The following USP6NL variants were observed in gnomAD, a reference collection of about 807,000 sequenced individuals.
USP6NL encodes USP6 N-terminal-like protein.
A neutral mutation model predicts 61.9 loss-of-function variants in USP6NL; 26 were observed. The observed-to-expected ratio is 0.42, with a 90% CI of 0.31 to 0.58. The LOEUF is 0.58. Ranked by LOEUF, USP6NL falls within the 20% of genes least tolerant of loss-of-function variation. USP6NL has a pLI of 0.16. For missense variants in USP6NL, 1,114 were observed against 1,034.3 expected, an observed-to-expected ratio of 1.08 and a Z score of -1.06; for synonymous variants, 432 against 390.1, an observed-to-expected ratio of 1.11 and a Z score of -1.27.
At chr10:11,576,482 T>C (rs1566193222) in intron 2 of USP6NL, among the ~76,000 whole-genome samples, 1 of 152,222 alleles carries the variant, frequency 6.6e-6, no homozygotes, top group African/African-American at 2.4e-5. Flanking sequence ...CTTTCATTAA[T>C]GGGCTTAGTG....
chr10:11,568,176 C>A (rs372738094), intron 2 of USP6NL, among the ~76,000 whole-genome samples: 8 of 121,960 alleles, frequency 6.6e-5, no homozygotes, highest in Non-Finnish European at 1.1e-4. Context: ...TGTGTGTGTG[C>A]GCGCGCGCGT....
intron 7 of USP6NL, among the ~76,000 whole-genome samples, chr10:11,500,060 C>T (rs1187393253): frequency 2.6e-5 from 4 of 152,196 alleles, no homozygotes; most frequent in Non-Finnish European, 5.9e-5. Flanking sequence ...AGCAAACTAA[C>T]GCAAGAACAG....
chr10:11,504,630 T>A (rs1332628782), intron 6 of USP6NL, among the ~76,000 whole-genome samples: 1 of 152,234 alleles, frequency 6.6e-6, no homozygotes. Flanking sequence ...TAAACGAACA[T>A]CATTCATTCA....
chr10:11,541,073 C>T (rs1836028451), intron 2 of USP6NL, among the ~76,000 whole-genome samples: 1 of 151,780 alleles, frequency 6.6e-6, no homozygotes, highest in South Asian at 2.1e-4. Flanking sequence ...CACATTTCAC[C>T]TAACAAATCC....
In USP6NL at chr10:11,482,128, A is replaced by G. The variant is rs192559361; in HGVS notation, c.926-206T>C. 2.0e-5 allele frequency among the ~76,000 whole-genome samples: 3 copies of G among 152,324 alleles called. No homozygotes were observed. The highest frequency in any genetic ancestry group is 7.2e-5 in the African/African-American group (3 of 41,580). ...AAAGCAGCCACAGAGAAAAGCAGGA[A>G]AGTTTACTGGGAGAAAGGATGGGAG... On this transcript the variant is annotated intron_variant, in intron 13 of 14. Transcript: ENST00000609104. This position sits in a 1 kb window ranked among gnomAD's most constrained non-coding sequence, Gnocchi z 4.0.
chr10:11,499,664 T>A lies in USP6NL; in HGVS notation c.384+1437A>T, dbSNP rs1375469633. ...GATAAGGAAGACAGGGATGGAGCGATGCCAAAATGCACTAAGGATGGTAGG... is the reference window on the plus strand; with the variant it reads ...GATAAGGAAGACAGGGATGGAGCGAAGCCAAAATGCACTAAGGATGGTAGG... On this transcript the variant is annotated intron_variant, in intron 7 of 14. Transcript: ENST00000609104. The surrounding 1 kb of genome is among the most constrained non-coding windows in gnomAD (Gnocchi z 4.5). Among the ~76,000 whole-genome samples the A allele has an allele frequency of 3.3e-5, 5 of 152,150 alleles. No individual in the cohort carries two copies. The highest frequency in any genetic ancestry group is 3.3e-4 in the Admixed American group (5 of 15,274).
intron 5 of USP6NL, among the ~76,000 whole-genome samples, chr10:11,515,955 T>C (rs1834939048): frequency 1.3e-5 from 2 of 152,208 alleles, no homozygotes; most frequent in South Asian, 4.1e-4. Flanking sequence ...CAATATCCTA[T>C]ACACCATGCA....
rs572421224 is a variant in USP6NL, at chr10:11,585,143, G to A, written c.4+12488C>T. On this transcript the variant is annotated intron_variant, in intron 2 of 14. Transcript: ENST00000609104. This position sits in a 1 kb window ranked among gnomAD's most constrained non-coding sequence, Gnocchi z 4.5. ...ATGTAAACAGTGAGTCCATGAAAAA[G>A]TTATCTTGTCTAACAAGGAAATAGC... Among the ~76,000 whole-genome samples, 17 of 152,212 alleles carry A rather than the reference G, an allele frequency of 1.1e-4. No homozygotes were observed. The highest frequency in any genetic ancestry group is 3.9e-4 in the African/African-American group (16 of 41,524).
At chr10:11,545,853 T>A (rs549851608) in intron 2 of USP6NL, among the ~76,000 whole-genome samples, 3 of 149,626 alleles carry the variant, frequency 2.0e-5, no homozygotes, top group Non-Finnish European at 4.5e-5. Context: ...TATTTGCATA[T>A]GACACTGATC....
chr10:11,469,484 C>G (rs1024736699), intron 14 of USP6NL, among the ~76,000 whole-genome samples: 10 of 152,200 alleles, frequency 6.6e-5, no homozygotes, highest in Non-Finnish European at 1.3e-4. Context: ...ATGACGCTGC[C>G]TCTAATCCAT....
At chr10:11,475,265 G>A (rs1247282775) in intron 14 of USP6NL, among the ~76,000 whole-genome samples, 5 of 151,092 alleles carry the variant, frequency 3.3e-5, no homozygotes, top group African/African-American at 1.2e-4. Context: ...CTCTTGATAA[G>A]GGAGGAAAAA....
intron 1 of USP6NL, among the ~76,000 whole-genome samples, chr10:11,605,425 A>C (rs1838673593): frequency 6.6e-6 from 1 of 152,204 alleles, no homozygotes; most frequent in African/African-American, 2.4e-5. Flanking sequence ...AAAGCAATGA[A>C]AAAAATCCTT....
At chr10:11,563,129 T>C (rs997508139) in intron 2 of USP6NL, 2 of 152,152 alleles carry the variant, frequency 1.3e-5, no homozygotes, top group East Asian at 1.9e-4. Flanking sequence ...AGACAAACCA[T>C]TGATACATGA....
At chr10:11,568,489 C>T (rs1588395930) in intron 2 of USP6NL, among the ~76,000 whole-genome samples, 1 of 152,298 alleles carries the variant, frequency 6.6e-6, no homozygotes, top group East Asian at 1.9e-4. Flanking sequence ...AGGATATATG[C>T]TACTTCTAAA....
At chr10:11,547,708 T>TC (rs1836328272) in intron 2 of USP6NL, among the ~76,000 whole-genome samples, 1 of 152,008 alleles carries the variant, frequency 6.6e-6, no homozygotes. Flanking sequence ...GCCCAGCTAA[T>TC]TTTTTGTATT....
intron 2 of USP6NL, among the ~76,000 whole-genome samples, chr10:11,544,804 C>T (rs1836214711): frequency 6.6e-6 from 1 of 152,060 alleles, no homozygotes; most frequent in Admixed American, 6.6e-5. Flanking sequence ...TCTAAATTTT[C>T]TAAGTAGATA....
At chr10:11,555,975 A>G (rs1301857151) in intron 2 of USP6NL, among the ~76,000 whole-genome samples, 1 of 152,220 alleles carries the variant, frequency 6.6e-6, no homozygotes, top group Admixed American at 6.5e-5. Context: ...TTTAATGGTG[A>G]GCCCACACAC....
chr10:11,525,276 G>C lies in USP6NL; in HGVS notation c.155+110C>G. On this transcript the variant is annotated intron_variant, in intron 4 of 14. Coordinates refer to ENST00000609104, the MANE Select transcript of USP6NL (RefSeq NM_014688.5). This position sits in a 1 kb window ranked among gnomAD's most constrained non-coding sequence, Gnocchi z 5.0. ...TTTAGTATCAAAACGCATATTGTAA[G>C]ACTATTCCTTATTCACAGCAATTAT... 1.2e-6 allele frequency: 1 copy of C among 847,030 alleles called. No homozygotes were observed. The highest frequency in any genetic ancestry group is 1.8e-6 in the Non-Finnish European group (1 of 561,056). 52.5% of individuals were successfully genotyped at this position (847,030 alleles called of 1,614,324 possible). A position where few individuals can be genotyped will look rare whatever the true frequency, so the allele number is the denominator to read the frequency against.
chr10:11,485,911 C>A lies in USP6NL; in HGVS notation c.665G>T (p.Gly222Val). 1 of 1,540,494 alleles carries A rather than the reference C, an allele frequency of 6.5e-7. No homozygotes were observed. The highest frequency in any genetic ancestry group is 8.7e-7 in the Non-Finnish European group (1 of 1,143,278). ...TTTAGGAAAACCTTGGACAAAAAAG[C>A]CTAGAATACAAACATAAAAACAACA... ...LFSGPKHAMH[G>V]FFVQGFPKLL... The change falls in exon 11 of 15, where the codon GGC becomes GTC. Residue 222 changes from glycine to valine, a missense_variant and splice_region_variant. Coordinates refer to ENST00000609104, the MANE Select transcript of USP6NL (RefSeq NM_014688.5). The surrounding 1 kb of genome is among the most constrained non-coding windows in gnomAD (Gnocchi z 4.8).
Sources: allele counts gnomAD v4.1 joint callset (sites outside exome capture counted in the v4.1 genomes callset), GRCh38; gene constraint gnomAD v4.1.1; non-coding constraint Gnocchi (gnomAD v3.1); transcripts MANE v1.5; gene names NCBI Gene and HGNC (gene_info 2026-07-23, HGNC 2026-07-21).